ATG9A: variants seen among roughly 807,000 people sequenced by gnomAD.
ATG9A encodes autophagy related 9A.
ATG9A carries 21 observed loss-of-function variants against 87.1 expected under a neutral mutation model. That is an observed-to-expected ratio of 0.24 (90% CI 0.17 to 0.35). ATG9A has a LOEUF of 0.35. ATG9A is among the 10% of genes least tolerant of loss of function. The pLI, the probability that ATG9A is intolerant of heterozygous loss-of-function variation, is 1.00. For missense variants in ATG9A, 836 were observed against 1,107.3 expected (o/e 0.76, Z 3.48); for synonymous variants, 422 against 441.3 (o/e 0.96, Z 0.55).
Position 219,227,779 on chromosome 2 carries a change from G to A in ATG9A, c.138C>T (p.Phe46=), listed in dbSNP as rs371471641. 57 of 1,614,118 alleles carry A rather than the reference G, an allele frequency of 3.5e-5. No individual in the cohort carries two copies. In the African/African-American group the frequency reaches 6.9e-4, roughly 20 times the overall value. ...PWHHIENLDL[F]FSRVYNLHQK... Reference sequence around the variant, plus strand: ...GAAACACAAAGGATATTCGAGAGAAGAAGAGGTCAAGGTTTTCAATATGGT... The same window carrying A: ...GAAACACAAAGGATATTCGAGAGAAAAAGAGGTCAAGGTTTTCAATATGGT... Residue 46 remains phenylalanine (F), a synonymous_variant, in exon 4 of 16, where the codon TTC becomes TTT. Transcript: ENST00000361242.
Position 219,223,497 on chromosome 2 carries a change from CAGG to C in ATG9A, c.1599+85_1599+87del. The C allele has an allele frequency of 7.0e-7, 1 of 1,430,366 alleles. No homozygotes were observed. Among genetic ancestry groups the C allele is most frequent in the Non-Finnish European group, 9.4e-7 (1 of 1,064,786 alleles). The allele number at this position is 1,430,366 out of a possible 1,614,324, so 88.6% of individuals were successfully genotyped here. A position where few individuals can be genotyped will look rare whatever the true frequency, so the allele number is the denominator to read the frequency against. ...GGTATAGGACTGCCTTTGTGTGACT[CAGG>C]AGAGGTGTCTTTTTGCGGTTTTCCC... On this transcript the variant is annotated intron_variant, in intron 10 of 15. Coordinates refer to ENST00000361242, the MANE Select transcript of ATG9A (RefSeq NM_001077198.3). The surrounding 1 kb of genome is among the most constrained non-coding windows in gnomAD (Gnocchi z 4.7).
Position 219,225,137 on chromosome 2 carries a change from G to A in ATG9A, c.450C>T (p.Phe150=), listed in dbSNP as rs1950835737. 1 of 1,614,058 alleles carries A rather than the reference G, an allele frequency of 6.2e-7. No individual in the cohort carries two copies. The highest frequency in any genetic ancestry group is 1.7e-5 in the Admixed American group (1 of 60,008). ...GVFWIHRLIK[F]IYNICCYWEI... is the part of the protein sequence containing the mutation. Reference sequence around the variant, plus strand: ...CCCAGTAGCAGCAAATGTTATAGATGAACTTGATAAGCCGGTGGATCCAGA... The same window carrying A: ...CCCAGTAGCAGCAAATGTTATAGATAAACTTGATAAGCCGGTGGATCCAGA... The change falls in exon 7 of 16, where the codon TTC becomes TTT. Residue 150 remains phenylalanine, a synonymous_variant. Transcript: ENST00000361242.
Position 219,223,514 on chromosome 2 carries a change from TGCGG to T in ATG9A, c.1599+67_1599+70del. The T allele has an allele frequency of 5.4e-6, 8 of 1,486,654 alleles. No homozygotes were observed. The highest frequency in any genetic ancestry group is 2.2e-5 in the Admixed American group (1 of 45,638). The allele number at this position is 1,486,654 out of a possible 1,614,324, so 92.1% of individuals were successfully genotyped here. On this transcript the variant is annotated intron_variant, in intron 10 of 15. Coordinates refer to ENST00000361242, the MANE Select transcript of ATG9A (RefSeq NM_001077198.3). The surrounding 1 kb of genome is among the most constrained non-coding windows in gnomAD (Gnocchi z 4.7). ...GTGTGACTCAGGAGAGGTGTCTTTT[TGCGG>T]TTTTCCCAAAGACACTGTATGTTCC... is the stretch of plus-strand genomic sequence containing the variant.
chr2:219,225,656 G>A (rs1413370119), intron 5 of ATG9A, 84 bp from the exon 6 acceptor site: 6 of 1,462,334 alleles, frequency 4.1e-6, no homozygotes, highest in African/African-American at 1.4e-5. Flanking sequence ...GTCTGGAGGT[G>A]GCAGAACAAG....
At position 219,223,506 on chromosome 2, in the gene ATG9A, T is replaced by G; in HGVS notation, c.1599+79A>C. On this transcript the variant is annotated intron_variant, in intron 10 of 15. Coordinates refer to ENST00000361242, the MANE Select transcript of ATG9A (RefSeq NM_001077198.3). This position sits in a 1 kb window ranked among gnomAD's most constrained non-coding sequence, Gnocchi z 4.7. ...CTGCCTTTGTGTGACTCAGGAGAGGTGTCTTTTTGCGGTTTTCCCAAAGAC... is the reference window on the plus strand; with the variant it reads ...CTGCCTTTGTGTGACTCAGGAGAGGGGTCTTTTTGCGGTTTTCCCAAAGAC... 1 of 1,455,482 alleles carries G rather than the reference T, an allele frequency of 6.9e-7. No individual in the cohort carries two copies. The allele number at this position is 1,455,482 out of a possible 1,614,324, so 90.2% of individuals were successfully genotyped here.
In ATG9A at chr2:219,225,077, G is replaced by T; in HGVS notation, c.510C>A (p.Ile170=). 6 of 1,614,206 alleles carry T rather than the reference G, an allele frequency of 3.7e-6. No homozygotes were observed. The highest frequency in any genetic ancestry group is 5.1e-6 in the Non-Finnish European group (6 of 1,180,046). ...IHSFYLHALR[I]PMSALPYCTW... The stretch of plus-strand genomic sequence containing the variant: ...CCCAACTTCCCAGTCTTACCATAGG[G>T]ATGCGCAGAGCGTGCAGGTAGAAGG... Residue 170 remains isoleucine, a synonymous_variant, in exon 7 of 16, where the codon ATC becomes ATA. Transcript: ENST00000361242.
At position 219,222,538 on chromosome 2, in the gene ATG9A, C is replaced by T; in HGVS notation, c.1849-88G>A. Reference sequence around the variant, plus strand: ...TATTCTGTATCTCAGGCCCCAGTGGCACATACTGAAGAGACAGCAGGAAGC... The same window carrying T: ...TATTCTGTATCTCAGGCCCCAGTGGTACATACTGAAGAGACAGCAGGAAGC... On this transcript the variant is annotated intron_variant, in intron 11 of 15. Coordinates refer to ENST00000361242, the MANE Select transcript of ATG9A (RefSeq NM_001077198.3). This position sits in a 1 kb window ranked among gnomAD's most constrained non-coding sequence, Gnocchi z 4.3. The T allele has an allele frequency of 3.8e-6, 6 of 1,570,816 alleles. No homozygotes were observed. Among genetic ancestry groups the T allele is most frequent in the Non-Finnish European group, 5.2e-6 (6 of 1,155,670 alleles).
rs775897513 is a variant in ATG9A, at chr2:219,219,689, T to A, written c.*758A>T. 1 of 152,446 alleles carries A rather than the reference T, an allele frequency of 6.6e-6. No individual in the cohort carries two copies. The highest frequency in any genetic ancestry group is 2.4e-5 in the African/African-American group (1 of 41,462). 9.4% of individuals were successfully genotyped at this position (152,446 alleles called of 1,614,324 possible). A position where few individuals can be genotyped will look rare whatever the true frequency, so the allele number is the denominator to read the frequency against. On this transcript the variant is annotated 3_prime_UTR_variant, in exon 16 of 16. Coordinates refer to ENST00000361242, the MANE Select transcript of ATG9A (RefSeq NM_001077198.3). ...CATGTGCAGGTGATGGGGGGTACGATAAGCAGCAATGAGGGCCCAGGAAGA... is the reference window on the plus strand; with the variant it reads ...CATGTGCAGGTGATGGGGGGTACGAAAAGCAGCAATGAGGGCCCAGGAAGA...
chr2:219,228,137 G>T (rs540843044), intron 2 of ATG9A, 84 bp from the exon 3 acceptor site: 1 of 932,456 alleles, frequency 1.1e-6, no homozygotes, highest in African/African-American at 1.7e-5. Context: ...AAAGGAGAAA[G>T]TACCCTTGGG....
In ATG9A at chr2:219,220,210, G is replaced by A; in HGVS notation, c.*237C>T. 2 of 541,752 alleles carry A rather than the reference G, an allele frequency of 3.7e-6. No homozygotes were observed. Among genetic ancestry groups the A allele is most frequent in the Non-Finnish European group, 6.6e-6 (2 of 303,266 alleles). The allele number at this position is 541,752 out of a possible 1,614,324, so 33.6% of individuals were successfully genotyped here. The stretch of plus-strand genomic sequence containing the variant: ...TTTCTAGCACCACACTCTGAGCCAA[G>A]GGGGTCCTGGGGATGAGGCTAGAGT... On this transcript the variant is annotated 3_prime_UTR_variant, in exon 16 of 16. Transcript: ENST00000361242.
At position 219,221,192 on chromosome 2, in the gene ATG9A, G is replaced by T; in HGVS notation, c.2256C>A (p.Ala752=). The T allele has an allele frequency of 6.3e-7, 1 of 1,594,912 alleles. No individual in the cohort carries two copies. The highest frequency in any genetic ancestry group is 1.1e-5 in the South Asian group (1 of 88,558). The change falls in exon 14 of 16, where the codon GCC becomes GCA. Residue 752 remains alanine, a synonymous_variant. Coordinates refer to ENST00000361242, the MANE Select transcript of ATG9A (RefSeq NM_001077198.3). ...APDEGGEGAR[A]PQSIPRSASY... Reference sequence around the variant, plus strand: ...TAGCAGAGCGAGGGATAGACTGGGGGGCCCGGGCGCCCTCTCCCCCTTCAT... The same window carrying T: ...TAGCAGAGCGAGGGATAGACTGGGGTGCCCGGGCGCCCTCTCCCCCTTCAT...
rs1950783329 is a variant in ATG9A at position 219,222,536 on chromosome 2, G to A, written c.1849-86C>T. ...AGTATTCTGTATCTCAGGCCCCAGTGGCACATACTGAAGAGACAGCAGGAA... is the reference window on the plus strand; with the variant it reads ...AGTATTCTGTATCTCAGGCCCCAGTAGCACATACTGAAGAGACAGCAGGAA... On this transcript the variant is annotated intron_variant, in intron 11 of 15. Coordinates refer to ENST00000361242, the MANE Select transcript of ATG9A (RefSeq NM_001077198.3). The surrounding 1 kb of genome is among the most constrained non-coding windows in gnomAD (Gnocchi z 4.3). 1 of 1,569,298 alleles carries A rather than the reference G, an allele frequency of 6.4e-7. No homozygotes were observed. The highest frequency in any genetic ancestry group is 8.7e-7 in the Non-Finnish European group (1 of 1,154,676).
Position 219,226,871 on chromosome 2 carries a change from G to A in ATG9A, c.210C>T (p.Leu70=), listed in dbSNP as rs780933779. The A allele has an allele frequency of 1.9e-6, 3 of 1,610,694 alleles. No individual in the cohort carries two copies. Among genetic ancestry groups the A allele is most frequent in the Non-Finnish European group, 1.7e-6 (2 of 1,176,850 alleles). The part of the protein sequence containing the change: ...TCMLIGEIFE[L]MQFLFVVAFT... ...CATCTGTCCCTTCTTATACTTACATGAGCTCAAAGATCTCCCCGATGAGCA... is the reference window on the plus strand; with the variant it reads ...CATCTGTCCCTTCTTATACTTACATAAGCTCAAAGATCTCCCCGATGAGCA... Residue 70 remains leucine (L), a splice_region_variant and synonymous_variant, in exon 5 of 16, where the codon CTC becomes CTT. Transcript: ENST00000361242.
chr2:219,221,197 G>A lies in ATG9A; in HGVS notation c.2251C>T (p.Arg751Trp), dbSNP rs936882792. ...GAGCGAGGGATAGACTGGGGGGCCCGGGCGCCCTCTCCCCCTTCATCAGGG... is the reference window on the plus strand; with the variant it reads ...GAGCGAGGGATAGACTGGGGGGCCCAGGCGCCCTCTCCCCCTTCATCAGGG... ...SAPDEGGEGA[R>W]APQSIPRSAS... Residue 751 changes from arginine (R) to tryptophan (W), a missense_variant, in exon 14 of 16, where the codon CGG becomes TGG. Physicochemically the swap from Arg to Trp is moderately radical, Grantham distance 101. Transcript: ENST00000361242. 8.8e-6 allele frequency: 14 copies of A among 1,593,118 alleles called. No individual in the cohort carries two copies. Among genetic ancestry groups the A allele is most frequent in the African/African-American group, 1.4e-5 (1 of 74,060 alleles).
At position 219,222,928 on chromosome 2, in the gene ATG9A, C is replaced by T; in HGVS notation, c.1600-35G>A. ...GAAGAGCAGAGTAAGCAGGGCTGTTCTCTTCCAGGAGCCTTCCTGCACCTT... is the reference window on the plus strand; with the variant it reads ...GAAGAGCAGAGTAAGCAGGGCTGTTTTCTTCCAGGAGCCTTCCTGCACCTT... On this transcript the variant is annotated intron_variant, in intron 10 of 15. Transcript: ENST00000361242. This position sits in a 1 kb window ranked among gnomAD's most constrained non-coding sequence, Gnocchi z 4.3. 4 of 1,610,536 alleles carry T rather than the reference C, an allele frequency of 2.5e-6. No homozygotes were observed. Among genetic ancestry groups the T allele is most frequent in the Non-Finnish European group, 3.4e-6 (4 of 1,178,346 alleles).
In ATG9A at chr2:219,221,233, C is replaced by T; in HGVS notation, c.2215G>A (p.Gly739Arg). ...CCCCCTTCATCAGGGGCGCTTTCTC[C>T]ACTCTCATCACTCTCCCGGCGGTGC... ...VWHRRESDES[G>R]ESAPDEGGEG... Residue 739 changes from glycine (G) to arginine (R), a missense_variant, in exon 14 of 16, where the codon GGA (glycine) becomes AGA (arginine). By Grantham distance (125) the Gly-to-Arg change is moderately radical. Transcript: ENST00000361242. 1.3e-6 allele frequency: 2 copies of T among 1,582,402 alleles called. No homozygotes were observed. Among genetic ancestry groups the T allele is most frequent in the East Asian group, 2.2e-5 (1 of 44,618 alleles).
At position 219,222,601 on chromosome 2, in the gene ATG9A, T is replaced by C. The variant is rs779170133; in HGVS notation, c.1848+44A>G. The C allele has an allele frequency of 5.6e-6, 9 of 1,608,648 alleles. No individual in the cohort carries two copies. Among genetic ancestry groups the C allele is most frequent in the Non-Finnish European group, 7.7e-6 (9 of 1,175,692 alleles). Reference sequence around the variant, plus strand: ...GCCCGGTCCCTCAACTCCCAGCTCCTGAAGTCCACTCTGCCCATCATCTCC... The same window carrying C: ...GCCCGGTCCCTCAACTCCCAGCTCCCGAAGTCCACTCTGCCCATCATCTCC... On this transcript the variant is annotated intron_variant, in intron 11 of 15. Coordinates refer to ENST00000361242, the MANE Select transcript of ATG9A (RefSeq NM_001077198.3). This position sits in a 1 kb window ranked among gnomAD's most constrained non-coding sequence, Gnocchi z 4.3.
Position 219,222,571 on chromosome 2 carries a change from C to A in ATG9A, c.1848+74G>T, listed in dbSNP as rs1219448953. ...GAAGAGACAGCAGGAAGCCTTCCAC[C>A]CCATGCCCGGTCCCTCAACTCCCAG... is the stretch of plus-strand genomic sequence containing the variant. On this transcript the variant is annotated intron_variant, in intron 11 of 15. Coordinates refer to ENST00000361242, the MANE Select transcript of ATG9A (RefSeq NM_001077198.3). This position sits in a 1 kb window ranked among gnomAD's most constrained non-coding sequence, Gnocchi z 4.3. 2 of 1,597,626 alleles carry A rather than the reference C, an allele frequency of 1.3e-6. No homozygotes were observed. Among genetic ancestry groups the A allele is most frequent in the African/African-American group, 1.3e-5 (1 of 74,690 alleles).
intron 5 of ATG9A, 101 bp downstream of exon 5, chr2:219,226,768 G>C: frequency 9.1e-7 from 1 of 1,097,286 alleles, no homozygotes; most frequent in African/African-American, 1.5e-5. Context: ...TTTTAGCCTA[G>C]GACTGAGTTG....
Sources: allele counts gnomAD v4.1 joint callset, GRCh38; gene constraint gnomAD v4.1.1; non-coding constraint Gnocchi (gnomAD v3.1); transcripts MANE v1.5; gene names NCBI Gene and HGNC (gene_info 2026-07-23, HGNC 2026-07-21).